KHDRBS2: variants seen among roughly 807,000 people sequenced by gnomAD.
The protein encoded by KHDRBS2 is KH RNA binding domain containing, signal transduction associated 2.
Under a neutral mutation model 44.3 loss-of-function variants are expected in KHDRBS2, and 26 were observed. That is an observed-to-expected ratio of 0.59 (90% confidence interval 0.43 to 0.81). KHDRBS2 has a LOEUF of 0.81. Ranked by LOEUF, KHDRBS2 falls within the 40% of genes least tolerant of loss-of-function variation. KHDRBS2 has a pLI of 0.00. For synonymous variants in KHDRBS2, 194 were observed against 151.1 expected (o/e 1.28, Z -2.08); for missense variants, 476 against 433.1 (o/e 1.10, Z -0.88).
intron 2 of KHDRBS2, among the ~76,000 whole-genome samples, chr6:62,094,056 G>T (rs1257292314): frequency 1.3e-5 from 2 of 151,844 alleles, no homozygotes; most frequent in African/African-American, 2.4e-5. Flanking sequence ...TAGCGGGATT[G>T]CTAGACCTTA....
At chr6:61,948,854 G>A (rs1296585325) in intron 4 of KHDRBS2, among the ~76,000 whole-genome samples, 2 of 151,864 alleles carry the variant, frequency 1.3e-5, no homozygotes, top group East Asian at 1.9e-4. Context: ...AGTGGCTTTG[G>A]TGATAGTGCT....
At chr6:61,613,211 T>A in the KHDRBS2 span, among the ~76,000 whole-genome samples, 1 of 152,190 alleles carries the variant, frequency 6.6e-6, no homozygotes, top group African/African-American at 2.4e-5. Flanking sequence ...TCCTATAGAA[T>A]ACAAGGGTCA....
chr6:61,952,190 T>C (rs975786240), intron 4 of KHDRBS2, among the ~76,000 whole-genome samples: 5 of 152,194 alleles, frequency 3.3e-5, no homozygotes, highest in African/African-American at 4.8e-5. Context: ...AGAAATTATA[T>C]AAAACTAATT....
rs180705051 is a variant in KHDRBS2, at chr6:61,943,694, C to A, written c.483+34372G>T. Among the ~76,000 whole-genome samples, 357 of 152,076 alleles carry A rather than the reference C, an allele frequency of 2.3e-3. 3 individuals carry two copies. Among genetic ancestry groups the A allele is most frequent in the African/African-American group, 8.1e-3 (335 of 41,526 alleles). On this transcript the variant is annotated intron_variant, in intron 4 of 8. Coordinates refer to ENST00000281156, the MANE Select transcript of KHDRBS2 (RefSeq NM_152688.4). Reference sequence around the variant, plus strand: ...AACATCTTCTGCACAGAAAAGGAAACAATAAATAGTGAAGAGAAAACTTAT... The same window carrying A: ...AACATCTTCTGCACAGAAAAGGAAAAAATAAATAGTGAAGAGAAAACTTAT...
intron 2 of KHDRBS2, among the ~76,000 whole-genome samples, chr6:62,089,756 G>C (rs1363349768): frequency 6.6e-6 from 1 of 152,102 alleles, no homozygotes. Flanking sequence ...TATTCATTAA[G>C]ACACATATTT....
chr6:62,216,696 C>CTTTT (rs562340356), intron 1 of KHDRBS2, among the ~76,000 whole-genome samples: 1,609 of 140,052 alleles, frequency 0.011, 30 homozygotes, highest in Middle Eastern at 0.018. Flanking sequence ...TCTTTCTCCT[C>CTTTT]TTTTTTTTTT....
intron 6 of KHDRBS2, among the ~76,000 whole-genome samples, chr6:61,784,783 G>T (rs1351564156): frequency 6.6e-6 from 1 of 152,100 alleles, no homozygotes; most frequent in Non-Finnish European, 1.5e-5. Context: ...GTACAGTAAT[G>T]TTAGTGTTTC....
chr6:62,050,151 G>C (rs1788665681), intron 2 of KHDRBS2, among the ~76,000 whole-genome samples: 1 of 152,042 alleles, frequency 6.6e-6, no homozygotes, highest in African/African-American at 2.4e-5. Context: ...CAGGGACATG[G>C]TTGAAGCTGG....
At chr6:61,546,082 A>G in the KHDRBS2 span, among the ~76,000 whole-genome samples, 1 of 152,052 alleles carries the variant, frequency 6.6e-6, no homozygotes, top group Non-Finnish European at 1.5e-5. Flanking sequence ...TTTGACAAAC[A>G]CGTAAAGATA....
the KHDRBS2 span, among the ~76,000 whole-genome samples, chr6:61,669,584 G>A: frequency 1.3e-5 from 2 of 150,360 alleles, no homozygotes; most frequent in Non-Finnish European, 3.0e-5. Context: ...TTATTTACAC[G>A]TTTGATATAT....
chr6:61,827,196 G>A (rs1791018858), intron 6 of KHDRBS2, among the ~76,000 whole-genome samples: 2 of 152,124 alleles, frequency 1.3e-5, no homozygotes, highest in Non-Finnish European at 2.9e-5. Flanking sequence ...GAATAGCTCT[G>A]CACTAGACGA....
intron 6 of KHDRBS2, among the ~76,000 whole-genome samples, chr6:61,869,608 T>C (rs1798298290): frequency 6.6e-6 from 1 of 152,056 alleles, no homozygotes; most frequent in Non-Finnish European, 1.5e-5. Context: ...GGTCTGCAGC[T>C]CCCAGCGAGA....
At chr6:61,612,827 T>C in the KHDRBS2 span, among the ~76,000 whole-genome samples, 7,082 of 148,376 alleles carry the variant, frequency 0.048, 246 homozygotes, top group South Asian at 0.13. Flanking sequence ...CTAAAACTGT[T>C]CAAAATGCAG....
intron 4 of KHDRBS2, among the ~76,000 whole-genome samples, chr6:61,937,063 A>C (rs886811182): frequency 1.3e-5 from 2 of 151,956 alleles, no homozygotes; most frequent in African/African-American, 4.8e-5. Context: ...CCTATTGGAC[A>C]TGTATAGGAC....
the KHDRBS2 span, among the ~76,000 whole-genome samples, chr6:61,593,969 A>G: frequency 6.6e-6 from 1 of 152,148 alleles, no homozygotes; most frequent in African/African-American, 2.4e-5. Flanking sequence ...CATTCCAGTC[A>G]AAGCTTTGGT....
At chr6:62,156,792 C>T (rs1240094183) in intron 2 of KHDRBS2, among the ~76,000 whole-genome samples, 3 of 151,094 alleles carry the variant, frequency 2.0e-5, no homozygotes, top group African/African-American at 4.9e-5. Flanking sequence ...CTGCCTCAGC[C>T]TCCTGAGTAG....
chr6:61,698,641 G>T (rs1317614684), intron 7 of KHDRBS2, among the ~76,000 whole-genome samples: 1 of 151,906 alleles, frequency 6.6e-6, no homozygotes, highest in Non-Finnish European at 1.5e-5. Flanking sequence ...GTCTTTAGGA[G>T]AAAAATAAAA....
intron 6 of KHDRBS2, among the ~76,000 whole-genome samples, chr6:61,865,099 G>T (rs1462373618): frequency 1.3e-5 from 2 of 152,082 alleles, no homozygotes; most frequent in Admixed American, 6.6e-5. Flanking sequence ...AGTTCTTGTA[G>T]TGTGTTTTTC....
At chr6:61,933,642 T>A (rs892492892) in intron 4 of KHDRBS2, among the ~76,000 whole-genome samples, 1 of 152,136 alleles carries the variant, frequency 6.6e-6, no homozygotes, top group Non-Finnish European at 1.5e-5. Context: ...CTAAACCTGT[T>A]CAGCATGTCA....
Sources: allele counts gnomAD v4.1 joint callset (sites outside exome capture counted in the v4.1 genomes callset), GRCh38; gene constraint gnomAD v4.1.1; transcripts MANE v1.5; gene names NCBI Gene and HGNC (gene_info 2026-07-23, HGNC 2026-07-21).